Variants in DUS3L observed in about 807,000 individuals in gnomAD.
DUS3L encodes dihydrouridine synthase 3 like, also known as tRNA-dihydrouridine(47) synthase [NAD(P)(+)]-like.
Under a neutral mutation model 74.6 loss-of-function variants are expected in DUS3L, and 62 were observed. That is an observed-to-expected ratio of 0.83 (90% CI 0.68 to 1.03). The LOEUF is 1.03. Ranked by LOEUF, DUS3L falls within the 50% of genes least tolerant of loss-of-function variation. The pLI, the probability that DUS3L is intolerant of heterozygous loss-of-function variation, is 0.00. For synonymous variants in DUS3L, 433 were observed against 395.7 expected, an observed-to-expected ratio of 1.09 and a Z score of -1.12; for missense variants, 884 against 924.4, an observed-to-expected ratio of 0.96 and a Z score of 0.57.
chr19:5,790,938 GCTT>G, intron 1 of DUS3L, 103 bp downstream of exon 1: 1 of 1,108,118 alleles, frequency 9.0e-7, no homozygotes, highest in Non-Finnish European at 1.3e-6. Context: ...AGAGCCGGTG[GCTT>G]CTCGCCCTCA....
chr19:5,787,233 T>TA (rs2056861391), intron 7 of DUS3L, 62 bp from the exon 8 acceptor site: 3 of 893,976 alleles, frequency 3.4e-6, no homozygotes, highest in East Asian at 3.1e-5. Context: ...CGGTGGGAGG[T>TA]GGTGGGAGAC....
intron 6 of DUS3L, 25 bp from the exon 7 acceptor site, chr19:5,787,386 G>A (rs1378439318): frequency 2.5e-6 from 4 of 1,611,298 alleles, no homozygotes; most frequent in Non-Finnish European, 8.5e-7. Context: ...CGGGTGGAGG[G>A]AGGGCAGGAC....
chr19:5,789,288 G>A lies in DUS3L; in HGVS notation c.819C>T (p.Thr273=), dbSNP rs573279455. The A allele has an allele frequency of 2.2e-5, 35 of 1,597,516 alleles. No individual in the cohort carries two copies. In the East Asian group the frequency reaches 7.2e-4, roughly 33 times the overall value. Residue 273 remains threonine (T), a synonymous_variant, in exon 3 of 13, where the codon ACC becomes ACT. Transcript: ENST00000309061. ...AGGTCCGCACGGGGCTGCTGGGAGG[G>A]GTGCTAGTGCCCGGCCCTGCGGGGA... The part of the protein sequence containing the change: ...QQVPAGPGTS[T]PPSSPVRTCG...
In DUS3L at chr19:5,790,084, T is replaced by A. The variant is rs371483245; in HGVS notation, c.350A>T (p.Asn117Ile). 5.2e-5 allele frequency: 84 copies of A among 1,614,034 alleles called. No homozygotes were observed. The highest frequency in any genetic ancestry group is 6.7e-5 in the Non-Finnish European group (79 of 1,180,034). ...NKGRPHVKPT[N>I]YDKNRLCPSL... ...GGGACACAGCCTGTTCTTGTCGTAG[T>A]TCGTGGGCTTCACATGGGGCCGGCC... Residue 117 changes from asparagine (N) to isoleucine (I), a missense_variant, in exon 2 of 13, where the codon AAC becomes ATC. Physicochemically the swap from Asn to Ile is moderately radical, Grantham distance 149 (BLOSUM62 -3). Coordinates refer to ENST00000309061, the MANE Select transcript of DUS3L (RefSeq NM_020175.3).
rs2056893255 is a variant in DUS3L at position 5,789,944 on chromosome 19, C to T, written c.387+103G>A. On this transcript the variant is annotated intron_variant, in intron 2 of 12. Transcript: ENST00000309061. ...GAATGGCATCAGAGCAAGCTCACTG[C>T]TCGTTGCTGAAGGCCCAGGAGCTTT... 4.0e-6 allele frequency: 6 copies of T among 1,484,878 alleles called. No homozygotes were observed. The East Asian group carries it at 9.5e-5, about 24-fold the overall frequency. 92.0% of individuals were successfully genotyped at this position (1,484,878 alleles called of 1,614,324 possible).
At chr19:5,787,206 T>TGGGAGGTCGTGGGAGATGGC (rs2056858631) in intron 7 of DUS3L, 35 bp from the exon 8 acceptor site, 3 of 1,067,314 alleles carry the variant, frequency 2.8e-6, no homozygotes, top group Admixed American at 2.9e-5. Context: ...TGGGAGATGG[T>TGGGAGGTCGTGGGAGATGGC]GGGAGGTGGT....
chr19:5,788,377 A>G lies in DUS3L; in HGVS notation c.922T>C (p.Tyr308His). 6.2e-7 allele frequency: 1 copy of G among 1,613,694 alleles called. No individual in the cohort carries two copies. The highest frequency in any genetic ancestry group is 8.5e-7 in the Non-Finnish European group (1 of 1,179,976). ...CCTACCGTGGTGAGGGGGGCCAGGT[A>G]AAGTTTGCCACGGATGTCCAGCTGG... ...KKRLDIRGKLYLAPLTTCGNL... is the reference protein window; with the variant it reads ...KKRLDIRGKLHLAPLTTCGNL... Residue 308 changes from tyrosine (Y) to histidine (H), a missense_variant, in exon 4 of 13, where the codon TAC (tyrosine) becomes CAC (histidine). Transcript: ENST00000309061.
In DUS3L at chr19:5,786,750, G is replaced by A. The variant is rs886376950; in HGVS notation, c.1485C>T (p.Phe495=). The change falls in exon 9 of 13, where the codon TTC becomes TTT. Residue 495 remains phenylalanine (F), a splice_region_variant and synonymous_variant. Coordinates refer to ENST00000309061, the MANE Select transcript of DUS3L (RefSeq NM_020175.3). The stretch of plus-strand genomic sequence containing the variant: ...GAGGTGGCTTCCCGGAACACCCACC[G>A]AACAGGGGCATGGGGCTGGCGGCCT... The part of the protein sequence containing the change: ...CVQAASPMPL[F]GNGDILSFED... 9.9e-6 allele frequency: 16 copies of A among 1,611,310 alleles called. No homozygotes were observed. Among genetic ancestry groups the A allele is most frequent in the East Asian group, 8.9e-5 (4 of 44,864 alleles).
Position 5,789,298 on chromosome 19 carries a change from C to T in DUS3L, c.809G>A (p.Gly270Asp). 2 of 1,600,460 alleles carry T rather than the reference C, an allele frequency of 1.2e-6. No individual in the cohort carries two copies. Among genetic ancestry groups the T allele is most frequent in the Non-Finnish European group, 8.5e-7 (1 of 1,173,956 alleles). Reference protein sequence around the residue: ...CGAQQVPAGPGTSTPPSSPVR... With the variant: ...CGAQQVPAGPDTSTPPSSPVR... ...GGGGCTGCTGGGAGGGGTGCTAGTG[C>T]CCGGCCCTGCGGGGACCTGCTGGGC... Residue 270 changes from glycine (G) to aspartate (D), a missense_variant, in exon 3 of 13, where the codon GGC (glycine) becomes GAC (aspartate). Gly to Asp is a moderately conservative substitution (Grantham distance 94). Transcript: ENST00000309061.
rs375902604 is a variant in DUS3L at position 5,789,319 on chromosome 19, T to C, written c.788A>G (p.Gln263Arg). 3.7e-6 allele frequency: 6 copies of C among 1,605,690 alleles called. No homozygotes were observed. In the African/African-American group the frequency reaches 8.0e-5, roughly 21 times the overall value. ...GAPRQENCGA[Q>R]QVPAGPGTST... ...AGTGCCCGGCCCTGCGGGGACCTGC[T>C]GGGCACCACAGTTTTCCTGCCTGGG... Residue 263 changes from glutamine to arginine, a missense_variant, in exon 3 of 13, where the codon CAG (glutamine) becomes CGG (arginine). Physicochemically the swap from Gln to Arg is conservative, Grantham distance 43. Transcript: ENST00000309061.
At chr19:5,788,703 C>G (rs2056879044) in intron 3 of DUS3L, among the ~76,000 whole-genome samples, 1 of 144,494 alleles carries the variant, frequency 6.9e-6, no homozygotes, top group Non-Finnish European at 1.5e-5. Context: ...GTGTGTCCAG[C>G]TCTTTTTTTT....
intron 1 of DUS3L, 98 bp from the exon 2 acceptor site, chr19:5,790,433 T>C: frequency 6.9e-7 from 1 of 1,451,032 alleles, no homozygotes. Flanking sequence ...ATCCTTCTGC[T>C]GATGGGGAGC....
rs139624192 is a variant in DUS3L at position 5,788,366 on chromosome 19, G to C, written c.933C>G (p.Pro311=). The change falls in exon 4 of 13, where the codon CCC becomes CCG. Residue 311 remains proline, a synonymous_variant. Coordinates refer to ENST00000309061, the MANE Select transcript of DUS3L (RefSeq NM_020175.3). ...CTGACCCAGGTCCTACCGTGGTGAG[G>C]GGGGCCAGGTAAAGTTTGCCACGGA... ...LDIRGKLYLA[P]LTTCGNLPFR... is the part of the protein sequence containing the mutation. 3.1e-6 allele frequency: 5 copies of C among 1,613,594 alleles called. No homozygotes were observed. In the African/African-American group the frequency reaches 5.3e-5, roughly 17 times the overall value.
intron 8 of DUS3L, 70 bp from the exon 9 acceptor site, chr19:5,786,915 C>A (rs771169102): frequency 1.3e-6 from 2 of 1,523,296 alleles, no homozygotes; most frequent in South Asian, 2.5e-5. Flanking sequence ...ACCAAGAGAG[C>A]CAGGCTGAGA....
Position 5,789,444 on chromosome 19 carries a change from G to A in DUS3L, c.663C>T (p.Arg221=), listed in dbSNP as rs771885102. ...GCTCAGCTCGCTCGAAGCGGACCTC[G>A]CGCTTCCGCAGCTGCTGCTGCAGGG... ...DKALQQQLRK[R]EVRFERAEQA... Residue 221 remains arginine, a synonymous_variant, in exon 3 of 13, where the codon CGC becomes CGT. Transcript: ENST00000309061. 39 of 1,600,432 alleles carry A rather than the reference G, an allele frequency of 2.4e-5. No individual in the cohort carries two copies. The highest frequency in any genetic ancestry group is 3.2e-5 in the Non-Finnish European group (38 of 1,178,212).
At chr19:5,786,946 C>T (rs1477221253) in intron 8 of DUS3L, 101 bp from the exon 9 acceptor site, 14 of 1,493,026 alleles carry the variant, frequency 9.4e-6, no homozygotes, top group South Asian at 5.2e-5. Flanking sequence ...GAGACACAGG[C>T]GGAGACAGAG....
In DUS3L at chr19:5,789,717, C is replaced by T. The variant is rs1426928839; in HGVS notation, c.390G>A (p.Glu130=). ...CACCGAAGAAACACTTAGCAGCCGA[C>T]TCCTGCGAGGAAACAGGGAAGCAGT... ...KNRLCPSLIQ[E]SAAKCFFGDR... Residue 130 remains glutamate (E), a splice_region_variant and synonymous_variant, in exon 3 of 13, where the codon GAG becomes GAA. Coordinates refer to ENST00000309061, the MANE Select transcript of DUS3L (RefSeq NM_020175.3). The T allele has an allele frequency of 6.2e-7, 1 of 1,600,022 alleles. No homozygotes were observed. Among genetic ancestry groups the T allele is most frequent in the Non-Finnish European group, 8.5e-7 (1 of 1,174,468 alleles).
chr19:5,786,801 G>T lies in DUS3L; in HGVS notation c.1434C>A (p.Asp478Glu). ...GCACGCACTCCTCGATGTACTGCCA[G>T]TCGGCTAGCTTGGTGTAGCGCTGCT... ...SREQRYTKLA[D>E]WQYIEECVQA... Residue 478 changes from aspartate (D) to glutamate (E), a missense_variant, in exon 9 of 13, where the codon GAC becomes GAA. By Grantham distance (45) the Asp-to-Glu change is conservative. Transcript: ENST00000309061. 1 of 1,612,202 alleles carries T rather than the reference G, an allele frequency of 6.2e-7. No individual in the cohort carries two copies. Among genetic ancestry groups the T allele is most frequent in the Admixed American group, 1.7e-5 (1 of 59,954 alleles).
chr19:5,787,352 A>G lies in DUS3L; in HGVS notation c.1222T>C (p.Cys408Arg). 2 of 1,612,448 alleles carry G rather than the reference A, an allele frequency of 1.2e-6. No individual in the cohort carries two copies. The highest frequency in any genetic ancestry group is 2.2e-5 in the South Asian group (2 of 91,004). ...IDLVYKKGGG[C>R]ALMNRSTKFQ... ...TTGGTGGAGCGATTCATGAGGGCAC[A>G]GCCCCCACCCTGGAAGAGACAGGCG... Residue 408 changes from cysteine to arginine, a missense_variant, in exon 7 of 13, where the codon TGT becomes CGT. By Grantham distance (180) the Cys-to-Arg change is radical. Transcript: ENST00000309061.
Sources: allele counts gnomAD v4.1 joint callset (sites outside exome capture counted in the v4.1 genomes callset), GRCh38; gene constraint gnomAD v4.1.1; transcripts MANE v1.5; gene names NCBI Gene and HGNC (gene_info 2026-07-23, HGNC 2026-07-21).